The following PDS5A variants were observed in gnomAD, a reference collection of about 807,000 sequenced individuals.
PDS5A encodes PDS5 cohesin associated factor A.
A neutral mutation model predicts 167.1 loss-of-function variants in PDS5A; 42 were observed. The ratio of observed to expected loss-of-function variants is 0.25; its 90% CI spans 0.20 to 0.33. PDS5A has a LOEUF of 0.33. PDS5A is among the 10% of genes least tolerant of loss of function. PDS5A has a pLI of 1.00. For missense variants in PDS5A, 1,033 were observed against 1,605.9 expected, an observed-to-expected ratio of 0.64 and a Z score of 6.10; for synonymous variants, 553 against 554.6, an observed-to-expected ratio of 1.00 and a Z score of 0.04.
At chr4:39,834,833 G>A (rs745750348) in intron 32 of PDS5A, among the ~76,000 whole-genome samples, 15 of 151,954 alleles carry the variant, frequency 9.9e-5, no homozygotes, top group Non-Finnish European at 1.6e-4. Flanking sequence ...ACTTTCTCAC[G>A]TTCCCCGATT....
At chr4:39,935,554 T>C (rs1179074569) in intron 2 of PDS5A, among the ~76,000 whole-genome samples, 1 of 152,232 alleles carries the variant, frequency 6.6e-6, no homozygotes, top group Non-Finnish European at 1.5e-5. Context: ...TTCTACAGGA[T>C]TGTTTTGGCA....
chr4:39,874,571 TG>T (rs1720310961), intron 19 of PDS5A, among the ~76,000 whole-genome samples, 159 bp from the exon 20 acceptor site: 1 of 152,192 alleles, frequency 6.6e-6, no homozygotes, highest in Non-Finnish European at 1.5e-5. Context: ...GCTCCATCTC[TG>T]CCCCCAAGTA....
chr4:39,941,247 C>G (rs553026121), intron 2 of PDS5A, among the ~76,000 whole-genome samples: 2 of 152,158 alleles, frequency 1.3e-5, no homozygotes, highest in Non-Finnish European at 2.9e-5. Context: ...GTGCCTCATA[C>G]AGAGTAAGTA....
At chr4:39,829,593 G>A (rs1194112299) in intron 32 of PDS5A, among the ~76,000 whole-genome samples, 1 of 151,040 alleles carries the variant, frequency 6.6e-6, no homozygotes, top group Non-Finnish European at 1.5e-5. Flanking sequence ...GTCGCAGTGA[G>A]CCAAGACTGC....
Position 39,926,690 on chromosome 4 carries a change from C to G in PDS5A, c.429+85G>C, listed in dbSNP as rs190822396. 308 of 920,162 alleles carry G rather than the reference C, an allele frequency of 3.3e-4. 2 individuals carry two copies. The African/African-American group carries it at 4.4e-3, about 13-fold the overall frequency. The allele number at this position is 920,162 out of a possible 1,614,324, so 57.0% of individuals were successfully genotyped here. A position where few individuals can be genotyped will look rare whatever the true frequency, so the allele number is the denominator to read the frequency against. The stretch of plus-strand genomic sequence containing the variant: ...TTATAGGCTTTGAATAAAATAAACA[C>G]TCATTTTACATTACAAAGTTAACAT... On this transcript the variant is annotated intron_variant, in intron 4 of 32. Transcript: ENST00000303538.
intron 21 of PDS5A, among the ~76,000 whole-genome samples, chr4:39,872,064 A>T (rs1010253321): frequency 1.3e-5 from 2 of 152,062 alleles, no homozygotes; most frequent in African/African-American, 2.4e-5. Flanking sequence ...TTTTCAATCT[A>T]TACATTCCAA....
At chr4:39,894,790 G>GT (rs1560461431) in intron 16 of PDS5A, among the ~76,000 whole-genome samples, 1 of 152,100 alleles carries the variant, frequency 6.6e-6, no homozygotes, top group Non-Finnish European at 1.5e-5. Flanking sequence ...AGTACTTGAC[G>GT]TTTATGTCTA....
intron 31 of PDS5A, among the ~76,000 whole-genome samples, chr4:39,838,894 C>G (rs972597854): frequency 6.6e-6 from 1 of 151,972 alleles, no homozygotes; most frequent in African/African-American, 2.4e-5. Context: ...TGGCCCATGC[C>G]TGTAATCCCA....
At chr4:39,973,663 C>A in intron 2 of PDS5A, 1 of 1,297,574 alleles carries the variant, frequency 7.7e-7, no homozygotes, top group Non-Finnish European at 1.1e-6. Context: ...GGCCACAAAA[C>A]CATCGTATGT....
chr4:39,916,597 G>A (rs1724408065), intron 8 of PDS5A, among the ~76,000 whole-genome samples: 1 of 152,080 alleles, frequency 6.6e-6, no homozygotes, highest in South Asian at 2.1e-4. Flanking sequence ...GCCAGGCGTG[G>A]TGGCTCACGC....
At chr4:39,865,493 A>T (rs1719356077) in intron 23 of PDS5A, among the ~76,000 whole-genome samples, 1 of 152,216 alleles carries the variant, frequency 6.6e-6, no homozygotes, top group Non-Finnish European at 1.5e-5. Context: ...AGCCTGGGCA[A>T]CATAGTGAGA....
intron 2 of PDS5A, chr4:39,973,918 G>T: frequency 3.2e-6 from 2 of 616,762 alleles, no homozygotes; most frequent in Non-Finnish European, 6.0e-6. Context: ...GAGGTCAGGA[G>T]ATCGAGACCA....
chr4:39,961,999 A>G (rs1729519316), intron 2 of PDS5A, among the ~76,000 whole-genome samples: 1 of 152,016 alleles, frequency 6.6e-6, no homozygotes, highest in Admixed American at 6.6e-5. Context: ...TTAAAATTCT[A>G]TCCCCATCCC....
intron 2 of PDS5A, among the ~76,000 whole-genome samples, chr4:39,955,838 G>A (rs1013941790): frequency 5.3e-5 from 8 of 152,064 alleles, no homozygotes; most frequent in Admixed American, 1.3e-4. Context: ...AGTTAAGGCC[G>A]GTGTGGTGGT....
chr4:39,898,706 G>A (rs1722626710), intron 15 of PDS5A, 71 bp downstream of exon 15: 1 of 984,876 alleles, frequency 1.0e-6, no homozygotes, highest in South Asian at 1.5e-5. Flanking sequence ...TAAATCAGTA[G>A]TCCCACTGGG....
chr4:39,836,457 T>TG (rs1716395631), intron 32 of PDS5A, among the ~76,000 whole-genome samples: 1 of 152,056 alleles, frequency 6.6e-6, no homozygotes, highest in Non-Finnish European at 1.5e-5. Flanking sequence ...TTTTTTGAGA[T>TG]GGAGTCTCGC....
chr4:39,892,641 A>G (rs1722073507), intron 16 of PDS5A, among the ~76,000 whole-genome samples: 1 of 152,238 alleles, frequency 6.6e-6, no homozygotes, highest in East Asian at 1.9e-4. Flanking sequence ...TCCATGAGAA[A>G]CCATGTATTA....
intron 18 of PDS5A, 71 bp from the exon 19 acceptor site, chr4:39,877,224 C>CAA: frequency 1.1e-6 from 1 of 927,852 alleles, no homozygotes. Context: ...TTACTTCCCG[C>CAA]AAAAGAAAAA....
intron 2 of PDS5A, among the ~76,000 whole-genome samples, chr4:39,948,743 G>A (rs1728038513): frequency 1.3e-5 from 2 of 151,036 alleles, no homozygotes; most frequent in Admixed American, 6.7e-5. Context: ...TCCTGCCTCA[G>A]CCTCCTGAGT....
Sources: allele counts gnomAD v4.1 joint callset (sites outside exome capture counted in the v4.1 genomes callset), GRCh38; gene constraint gnomAD v4.1.1; transcripts MANE v1.5; gene names NCBI Gene and HGNC (gene_info 2026-07-23, HGNC 2026-07-21).